The following EXOG variants were observed in gnomAD, a reference collection of about 807,000 sequenced individuals.
EXOG encodes the protein exo/endonuclease G, also known as nuclease EXOG, mitochondrial.
Under a neutral mutation model 25.8 loss-of-function variants are expected in EXOG, and 27 were observed. That is an observed-to-expected ratio of 1.05 (90% CI 0.77 to 1.45). EXOG has a LOEUF of 1.45. EXOG is among the 40% of genes most tolerant of loss of function. The probability of loss-of-function intolerance (pLI) is 0.00; values close to 1 mark genes in which losing one functional copy is unlikely to be tolerated. For synonymous variants in EXOG, 133 were observed against 167.0 expected (o/e 0.80, Z 1.57); for missense variants, 458 against 450.5 (o/e 1.02, Z -0.15).
intron 5 of EXOG, among the ~76,000 whole-genome samples, chr3:38,509,789 A>T (rs1037600472): frequency 2.6e-5 from 4 of 152,236 alleles, no homozygotes; most frequent in Admixed American, 6.5e-5. Flanking sequence ...ATTAAATAAG[A>T]ATACATACTC....
At chr3:38,503,473 C>A in intron 3 of EXOG, 142 bp from the exon 4 acceptor site, 1 of 518,794 alleles carries the variant, frequency 1.9e-6, no homozygotes, top group Non-Finnish European at 3.4e-6. Flanking sequence ...ATAATTATGG[C>A]TTTCATTTAT....
chr3:38,521,647 T>A (rs1277326204), intron 5 of EXOG, among the ~76,000 whole-genome samples: 1 of 152,214 alleles, frequency 6.6e-6, no homozygotes, highest in African/African-American at 2.4e-5. Flanking sequence ...TTGAAGCCCC[T>A]TTCACCTTCT....
In EXOG at chr3:38,525,779, CA is replaced by C; in HGVS notation, c.*1424del. The C allele has an allele frequency of 2.4e-6, 1 of 412,660 alleles. No individual in the cohort carries two copies. Among genetic ancestry groups the C allele is most frequent in the Non-Finnish European group, 3.3e-6 (1 of 306,876 alleles). The allele number at this position is 412,660 out of a possible 1,614,324, so 25.6% of individuals were successfully genotyped here. On this transcript the variant is annotated 3_prime_UTR_variant, in exon 6 of 6. Transcript: ENST00000287675. ...GCAACATAATGAAACCCTATCTTTA[CA>C]AAAAAATACAAAAATTAGCTGGGCG...
intron 5 of EXOG, among the ~76,000 whole-genome samples, chr3:38,508,719 C>CCG (rs1553684626): frequency 8.0e-5 from 12 of 149,572 alleles, no homozygotes; most frequent in Admixed American, 2.7e-4. Flanking sequence ...CCACCCCCCC[C>CCG]CCAAAAAAAA....
intron 5 of EXOG, among the ~76,000 whole-genome samples, chr3:38,521,119 A>C (rs1476130118): frequency 2.0e-5 from 3 of 152,254 alleles, no homozygotes; most frequent in Non-Finnish European, 4.4e-5. Context: ...TATTAGACAG[A>C]TTAAAGATGT....
intron 2 of EXOG, among the ~76,000 whole-genome samples, chr3:38,498,524 C>T (rs2059957902): frequency 2.7e-5 from 4 of 150,870 alleles, no homozygotes; most frequent in Admixed American, 2.6e-4. Context: ...CACCACACTC[C>T]AGCTTAGGCA....
intron 5 of EXOG, among the ~76,000 whole-genome samples, chr3:38,522,375 T>C (rs1223440499): frequency 6.6e-6 from 1 of 152,248 alleles, no homozygotes; most frequent in African/African-American, 2.4e-5. Flanking sequence ...GAAAACTGAC[T>C]CTTACCAGGG....
intron 1 of EXOG, chr3:38,497,231 GACT>G (rs1319134193): frequency 9.9e-7 from 1 of 1,013,580 alleles, no homozygotes; most frequent in Non-Finnish European, 1.2e-6. Context: ...TCTCGAAACT[GACT>G]CACTGCTGAA....
chr3:38,512,940 GCATGCACCAC>G (rs1381914851), intron 5 of EXOG, among the ~76,000 whole-genome samples: 7 of 152,080 alleles, frequency 4.6e-5, no homozygotes, highest in Admixed American at 4.6e-4. Context: ...ACGACTACAG[GCATGCACCAC>G]CATGCCCAGC....
chr3:38,499,670 A>G (rs12638090), intron 2 of EXOG: 17 of 453,370 alleles, frequency 3.7e-5, no homozygotes, highest in Admixed American at 1.7e-4. Flanking sequence ...GATTTTTGCT[A>G]TGTTGCCTAG....
At position 38,501,412 on chromosome 3, in the gene EXOG, T is replaced by G; in HGVS notation, c.371T>G (p.Phe124Cys). The G allele has an allele frequency of 5.6e-6, 9 of 1,612,976 alleles. No homozygotes were observed. The highest frequency in any genetic ancestry group is 1.3e-5 in the African/African-American group (1 of 74,994). ...FKPDPNIPPT[F>C]SAFNEDYVGS... ...CCTGATCCCAATATCCCTCCAACCT[T>G]CAGTGCCTTCAATGAAGATTATGTT... The change falls in exon 3 of 6, where the codon TTC (phenylalanine) becomes TGC (cysteine). Residue 124 changes from phenylalanine to cysteine, a missense_variant. Transcript: ENST00000287675.
intron 5 of EXOG, among the ~76,000 whole-genome samples, chr3:38,512,387 A>G (rs527426818): frequency 3.3e-5 from 5 of 152,134 alleles, no homozygotes; most frequent in Non-Finnish European, 5.9e-5. Context: ...TCCTTATCCC[A>G]CTGTCCAGTT....
intron 5 of EXOG, among the ~76,000 whole-genome samples, chr3:38,517,757 T>C (rs1457612565): frequency 6.6e-6 from 1 of 152,252 alleles, no homozygotes; most frequent in Non-Finnish European, 1.5e-5. Flanking sequence ...ACTGTGTTTG[T>C]ACATTGTGTA....
In EXOG at chr3:38,496,348, A is replaced by T; in HGVS notation, c.-20A>T. 2 of 1,606,462 alleles carry T rather than the reference A, an allele frequency of 1.2e-6. No homozygotes were observed. The highest frequency in any genetic ancestry group is 1.7e-4 in the Middle Eastern group (1 of 5,762). ...ATGCGCGCGCATGCGCCGTGGTAAA[A>T]GGCCGGTACCTCGGGCAAGATGGCT... On this transcript the variant is annotated 5_prime_UTR_variant, in exon 1 of 6. It adds an upstream start codon to the 5' untranslated region. Transcript: ENST00000287675.
chr3:38,518,123 G>A (rs1218688893), intron 5 of EXOG, among the ~76,000 whole-genome samples: 1 of 152,090 alleles, frequency 6.6e-6, no homozygotes, highest in African/African-American at 2.4e-5. Flanking sequence ...CTATAAACTT[G>A]GGAGAATTTG....
chr3:38,524,141 G>A lies in EXOG; in HGVS notation c.886G>A (p.Val296Met). Residue 296 changes from valine to methionine, a missense_variant, in exon 6 of 6, where the codon GTG becomes ATG. Physicochemically the swap from Val to Met is conservative, Grantham distance 21. Coordinates refer to ENST00000287675, the MANE Select transcript of EXOG (RefSeq NM_005107.4). ...TAGTGATATCCGGAATATCTGCTCTGTGGACACCTGTAAGCTCCTGGATTT... is the reference window on the plus strand; with the variant it reads ...TAGTGATATCCGGAATATCTGCTCTATGGACACCTGTAAGCTCCTGGATTT... The part of the protein sequence containing the change: ...RTSDIRNICS[V>M]DTCKLLDFQE... 6.2e-7 allele frequency: 1 copy of A among 1,614,108 alleles called. No homozygotes were observed. The highest frequency in any genetic ancestry group is 8.5e-7 in the Non-Finnish European group (1 of 1,180,000).
chr3:38,506,780 G>T, intron 4 of EXOG, 74 bp from the exon 5 acceptor site: 2 of 635,850 alleles, frequency 3.1e-6, no homozygotes, highest in Non-Finnish European at 2.7e-6. Context: ...TCTTTCATAG[G>T]AATTGATATG....
In EXOG at chr3:38,497,001, G is replaced by A. The variant is rs907780295; in HGVS notation, c.163+471G>A. 11 of 1,040,136 alleles carry A rather than the reference G, an allele frequency of 1.1e-5. No individual in the cohort carries two copies. The South Asian group carries it at 2.4e-4, about 23-fold the overall frequency. 64.4% of individuals were successfully genotyped at this position (1,040,136 alleles called of 1,614,324 possible). On this transcript the variant is annotated intron_variant, in intron 1 of 5. Coordinates refer to ENST00000287675, the MANE Select transcript of EXOG (RefSeq NM_005107.4). ...AGTTAACTGCCCTTCTTTCGTCATT[G>A]TTCAGTTGAAGAATACCTGCTATCC...
In EXOG at chr3:38,524,896, G is replaced by A. The variant is rs990800627; in HGVS notation, c.*534G>A. ...TGCCTCCAAACCATGCATTGTCTGT[G>A]ATGTATCTGCCCAGCCTTCTCAGAA... On this transcript the variant is annotated 3_prime_UTR_variant, in exon 6 of 6. Coordinates refer to ENST00000287675, the MANE Select transcript of EXOG (RefSeq NM_005107.4). 4 of 985,762 alleles carry A rather than the reference G, an allele frequency of 4.1e-6. No individual in the cohort carries two copies. The highest frequency in any genetic ancestry group is 4.8e-6 in the Non-Finnish European group (4 of 830,342). The allele number at this position is 985,762 out of a possible 1,614,324, so 61.1% of individuals were successfully genotyped here. A position where few individuals can be genotyped will look rare whatever the true frequency, so the allele number is the denominator to read the frequency against.
Sources: allele counts gnomAD v4.1 joint callset (sites outside exome capture counted in the v4.1 genomes callset), GRCh38; gene constraint gnomAD v4.1.1; transcripts MANE v1.5; gene names NCBI Gene and HGNC (gene_info 2026-07-23, HGNC 2026-07-21).